The following PLXDC2 variants were observed in gnomAD, a reference collection of about 807,000 sequenced individuals.
The protein encoded by PLXDC2 is plexin domain containing 2, also known as plexin domain-containing protein 2.
Under a neutral mutation model 68.9 loss-of-function variants are expected in PLXDC2, and 40 were observed. That is an observed-to-expected ratio of 0.58 (90% CI 0.45 to 0.76). PLXDC2 has a LOEUF of 0.76. PLXDC2 is among the 30% of genes least tolerant of loss of function. PLXDC2 has a pLI of 0.00. For synonymous variants in PLXDC2, 243 were observed against 234.2 expected, an observed-to-expected ratio of 1.04 and a Z score of -0.34; for missense variants, 644 against 661.9, an observed-to-expected ratio of 0.97 and a Z score of 0.30.
chr10:19,842,348 A>T (rs1355354852), intron 1 of PLXDC2, among the ~76,000 whole-genome samples: 3 of 152,272 alleles, frequency 2.0e-5, no homozygotes, highest in Admixed American at 1.3e-4. Context: ...AGGACCTCTT[A>T]GCATGCGTTG....
chr10:20,009,178 G>A (rs1182069616), intron 2 of PLXDC2, among the ~76,000 whole-genome samples: 1 of 152,192 alleles, frequency 6.6e-6, no homozygotes, highest in African/African-American at 2.4e-5. Flanking sequence ...CAGAAATAGA[G>A]TGATAAAATT....
chr10:19,846,088 T>G (rs1229281290), intron 1 of PLXDC2, among the ~76,000 whole-genome samples: 2 of 152,100 alleles, frequency 1.3e-5, no homozygotes, highest in African/African-American at 2.4e-5. Flanking sequence ...GGTCAAAAAT[T>G]TACAAAGCTG....
intron 3 of PLXDC2, among the ~76,000 whole-genome samples, chr10:20,059,302 A>C (rs1459216886): frequency 1.3e-5 from 2 of 149,174 alleles, no homozygotes; most frequent in Admixed American, 1.4e-4. Context: ...CTGAGTTGTA[A>C]ATATCACATA....
At chr10:19,874,302 A>G (rs1291593579) in intron 1 of PLXDC2, among the ~76,000 whole-genome samples, 1 of 152,122 alleles carries the variant, frequency 6.6e-6, no homozygotes, top group Non-Finnish European at 1.5e-5. Flanking sequence ...AACAATTTCT[A>G]TTAGGCAGAC....
At chr10:20,266,008 T>C (rs1835867811) in intron 13 of PLXDC2, among the ~76,000 whole-genome samples, 1 of 152,210 alleles carries the variant, frequency 6.6e-6, no homozygotes, top group Non-Finnish European at 1.5e-5. Flanking sequence ...TAAGGAATAC[T>C]GGTCTTGGAC....
intron 3 of PLXDC2, among the ~76,000 whole-genome samples, chr10:20,053,583 A>AT (rs1835942189): frequency 6.6e-6 from 1 of 151,892 alleles, no homozygotes; most frequent in Non-Finnish European, 1.5e-5. Context: ...CGTTTTTGTG[A>AT]TTTTCCTCTA....
chr10:20,065,493 A>G (rs1052414659), intron 3 of PLXDC2, among the ~76,000 whole-genome samples: 5 of 152,160 alleles, frequency 3.3e-5, no homozygotes, highest in Non-Finnish European at 5.9e-5. Flanking sequence ...TTTTCCACAG[A>G]GGGTAGGAGG....
At chr10:19,972,150 G>A (rs1353181572) in intron 1 of PLXDC2, among the ~76,000 whole-genome samples, 1 of 152,186 alleles carries the variant, frequency 6.6e-6, no homozygotes, top group Non-Finnish European at 1.5e-5. Flanking sequence ...TTTAGAGCCA[G>A]TATACATTTT....
chr10:20,273,715 G>A (rs921390152), intron 13 of PLXDC2, among the ~76,000 whole-genome samples: 5 of 152,186 alleles, frequency 3.3e-5, no homozygotes, highest in African/African-American at 9.6e-5. Flanking sequence ...TCTGTAGGTG[G>A]GTATTCAGAA....
chr10:20,209,008 G>A (rs1780093183), intron 9 of PLXDC2, among the ~76,000 whole-genome samples: 1 of 152,078 alleles, frequency 6.6e-6, no homozygotes, highest in Non-Finnish European at 1.5e-5. Context: ...AATATCACAA[G>A]GCAAATGGAG....
intron 1 of PLXDC2, among the ~76,000 whole-genome samples, chr10:19,865,464 C>T (rs1203425386): frequency 6.6e-6 from 1 of 152,182 alleles, no homozygotes; most frequent in Non-Finnish European, 1.5e-5. Flanking sequence ...GTTCTGCCCT[C>T]TCATTACTGG....
intron 10 of PLXDC2, among the ~76,000 whole-genome samples, chr10:20,214,907 G>A (rs981823401): frequency 1.3e-5 from 2 of 152,184 alleles, no homozygotes; most frequent in East Asian, 1.9e-4. Flanking sequence ...AGTTTGAGAT[G>A]TGTGTGACAT....
chr10:20,018,949 A>G (rs1192474094), intron 2 of PLXDC2, among the ~76,000 whole-genome samples: 1 of 152,186 alleles, frequency 6.6e-6, no homozygotes, highest in African/African-American at 2.4e-5. Flanking sequence ...GTAGATTTGA[A>G]GGGGAAAAAA....
chr10:20,054,162 G>A (rs2131691973), intron 3 of PLXDC2, among the ~76,000 whole-genome samples: 1 of 152,134 alleles, frequency 6.6e-6, no homozygotes, highest in Middle Eastern at 3.4e-3. Flanking sequence ...TCAGATGTGA[G>A]AAGTTAGTGG....
intron 12 of PLXDC2, among the ~76,000 whole-genome samples, chr10:20,222,042 A>G (rs925021686): frequency 1.3e-5 from 2 of 152,226 alleles, no homozygotes; most frequent in Admixed American, 6.5e-5. Flanking sequence ...CAGGTCTGTC[A>G]TCTCACATAG....
intron 9 of PLXDC2, among the ~76,000 whole-genome samples, chr10:20,185,876 A>C (rs1443737887): frequency 1.3e-5 from 2 of 151,948 alleles, no homozygotes; most frequent in African/African-American, 4.8e-5. Context: ...GGATAGGATA[A>C]AGTTTTGCTT....
chr10:19,989,168 A>G (rs1834702998), intron 1 of PLXDC2, among the ~76,000 whole-genome samples: 1 of 152,166 alleles, frequency 6.6e-6, no homozygotes, highest in Non-Finnish European at 1.5e-5. Context: ...TAAGAAGAAA[A>G]TACCTGGGAG....
intron 4 of PLXDC2, among the ~76,000 whole-genome samples, chr10:20,089,953 G>C (rs1833254516): frequency 6.6e-6 from 1 of 151,956 alleles, no homozygotes; most frequent in East Asian, 1.9e-4. Flanking sequence ...CTTTTTTTCA[G>C]ATTAGAGGGA....
chr10:19,887,927 G>T (rs920257528), intron 1 of PLXDC2, among the ~76,000 whole-genome samples: 9 of 152,208 alleles, frequency 5.9e-5, no homozygotes, highest in African/African-American at 2.2e-4. Context: ...CCAACCAAAA[G>T]AAGGAAGAAA....
Sources: gnomAD v4.1 joint callset for allele counts (sites outside exome capture counted in the v4.1 genomes callset) on GRCh38, gnomAD v4.1.1 for gene constraint, MANE v1.5 for transcripts, NCBI Gene and HGNC (gene_info 2026-07-23, HGNC 2026-07-21) for gene names.